C8orf34: variants seen among roughly 807,000 people sequenced by gnomAD.
C8orf34 encodes the protein uncharacterized protein C8orf34.
C8orf34 carries 65 observed loss-of-function variants against 68.3 expected under a neutral mutation model. That is an observed-to-expected ratio of 0.95 (90% CI 0.78 to 1.17). The LOEUF is 1.17. Ranked by LOEUF, C8orf34 falls within the 50% of genes most tolerant of loss-of-function variation. The pLI is 0.00. For synonymous variants in C8orf34, 244 were observed against 241.2 expected (o/e 1.01, Z -0.11); for missense variants, 664 against 655.4 (o/e 1.01, Z -0.14).
At chr8:68,610,458 A>T (rs1396255571) in intron 7 of C8orf34, among the ~76,000 whole-genome samples, 1 of 152,180 alleles carries the variant, frequency 6.6e-6, no homozygotes, top group East Asian at 1.9e-4. Context: ...GCATGTTAGT[A>T]TAGTAAACCT....
intron 5 of C8orf34, among the ~76,000 whole-genome samples, chr8:68,509,402 C>A: frequency 6.6e-6 from 1 of 152,162 alleles, no homozygotes; most frequent in East Asian, 1.9e-4. Flanking sequence ...GAGAGGGAAG[C>A]CAAAAGCCCT....
At chr8:68,767,456 A>G (rs1452523515) in intron 10 of C8orf34, among the ~76,000 whole-genome samples, 1 of 152,108 alleles carries the variant, frequency 6.6e-6, no homozygotes, top group Non-Finnish European at 1.5e-5. Flanking sequence ...ATTTGCTTTC[A>G]GTTTATCTGT....
chr8:68,566,987 A>C (rs1281299027), intron 7 of C8orf34, among the ~76,000 whole-genome samples: 1 of 152,162 alleles, frequency 6.6e-6, no homozygotes, highest in East Asian at 1.9e-4. Flanking sequence ...AACTCACTTG[A>C]TCATGGTGAA....
chr8:68,375,599 G>A (rs1237971148), intron 1 of C8orf34, among the ~76,000 whole-genome samples: 1 of 152,186 alleles, frequency 6.6e-6, no homozygotes, highest in East Asian at 1.9e-4. Context: ...AATGGCATGA[G>A]CCAAGACAAG....
chr8:68,354,755 CATACATT>C (rs1229234245), intron 1 of C8orf34, among the ~76,000 whole-genome samples: 1 of 152,052 alleles, frequency 6.6e-6, no homozygotes, highest in Non-Finnish European at 1.5e-5. Flanking sequence ...GATATTTGGT[CATACATT>C]ATATCATGCC....
chr8:68,368,844 A>G (rs1415249482), intron 1 of C8orf34, among the ~76,000 whole-genome samples: 1 of 152,130 alleles, frequency 6.6e-6, no homozygotes, highest in African/African-American at 2.4e-5. Flanking sequence ...TAGTTTTTGC[A>G]TTGCTAGATT....
chr8:68,745,720 C>A (rs1010580185), intron 10 of C8orf34, among the ~76,000 whole-genome samples: 9 of 152,186 alleles, frequency 5.9e-5, no homozygotes, highest in African/African-American at 1.4e-4. Flanking sequence ...TACAGGAGCA[C>A]CCAGATTCAT....
chr8:68,513,558 C>A (rs376475974), intron 5 of C8orf34, among the ~76,000 whole-genome samples: 1 of 152,056 alleles, frequency 6.6e-6, no homozygotes, highest in African/African-American at 2.4e-5. Flanking sequence ...CTAGTAAAAA[C>A]GTCTTCTAAA....
chr8:68,651,882 A>G (rs118090871), intron 8 of C8orf34, among the ~76,000 whole-genome samples: 1,798 of 152,310 alleles, frequency 0.012, 17 homozygotes, highest in South Asian at 0.029. Flanking sequence ...AAACCTGTAC[A>G]TGTACCCCTG....
intron 1 of C8orf34, among the ~76,000 whole-genome samples, chr8:68,334,931 C>A (rs554472808): frequency 6.6e-6 from 1 of 152,322 alleles, no homozygotes; most frequent in East Asian, 1.9e-4. Flanking sequence ...TTCTTCCAGC[C>A]ATGTATGCAA....
intron 7 of C8orf34, among the ~76,000 whole-genome samples, chr8:68,570,340 G>A (rs1346162550): frequency 6.6e-6 from 1 of 152,148 alleles, no homozygotes; most frequent in East Asian, 1.9e-4. Context: ...TAGCTAATGT[G>A]CAAACACAGT....
At chr8:68,494,872 A>T (rs924467487) in intron 5 of C8orf34, among the ~76,000 whole-genome samples, 4 of 150,974 alleles carry the variant, frequency 2.6e-5, no homozygotes, top group Non-Finnish European at 4.4e-5. Context: ...TATATATATT[A>T]TATATATCTC....
chr8:68,516,798 G>A (rs1055987992), intron 5 of C8orf34, among the ~76,000 whole-genome samples: 6 of 151,732 alleles, frequency 4.0e-5, no homozygotes, highest in Non-Finnish European at 5.9e-5. Flanking sequence ...GTGCCACCAC[G>A]CCCAGCTAAT....
chr8:68,336,527 G>A (rs774360673), intron 1 of C8orf34, among the ~76,000 whole-genome samples: 1 of 152,116 alleles, frequency 6.6e-6, no homozygotes, highest in Non-Finnish European at 1.5e-5. Flanking sequence ...GGAGGTGTTG[G>A]TGTGATCTCA....
At chr8:68,343,125 C>T (rs1428455703) in intron 1 of C8orf34, among the ~76,000 whole-genome samples, 1 of 152,090 alleles carries the variant, frequency 6.6e-6, no homozygotes. Flanking sequence ...CTCTAATAAT[C>T]TAAATGCAAT....
At chr8:68,557,551 C>T (rs1240425577) in intron 7 of C8orf34, among the ~76,000 whole-genome samples, 3 of 152,164 alleles carry the variant, frequency 2.0e-5, no homozygotes, top group East Asian at 3.9e-4. Context: ...TGTCTGCCCA[C>T]CCAGATCTTG....
At chr8:68,588,131 C>T (rs1485683841) in intron 7 of C8orf34, among the ~76,000 whole-genome samples, 1 of 152,128 alleles carries the variant, frequency 6.6e-6, no homozygotes, top group African/African-American at 2.4e-5. Flanking sequence ...ACTACAATAG[C>T]TGCCCTTCCC....
chr8:68,472,549 G>A (rs190311758), intron 4 of C8orf34, among the ~76,000 whole-genome samples: 2,300 of 152,240 alleles, frequency 0.015, 40 homozygotes, highest in Non-Finnish European at 0.025. Flanking sequence ...TGCAACAAAA[G>A]TGAATCCTGA....
intron 10 of C8orf34, among the ~76,000 whole-genome samples, chr8:68,750,010 A>G (rs1016472729): frequency 6.6e-6 from 1 of 152,162 alleles, no homozygotes; most frequent in African/African-American, 2.4e-5. Flanking sequence ...GCTGGGTCAT[A>G]TGACAGATTT....
Sources: gnomAD v4.1 joint callset for allele counts (sites outside exome capture counted in the v4.1 genomes callset) on GRCh38, gnomAD v4.1.1 for gene constraint, MANE v1.5 for transcripts, NCBI Gene and HGNC (gene_info 2026-07-23, HGNC 2026-07-21) for gene names.